CSMD3: variants seen among roughly 807,000 people sequenced by gnomAD.
The protein encoded by CSMD3 is CUB and sushi domain-containing protein 3.
In CSMD3, 177 loss-of-function variants were observed where a neutral mutation model predicts 435.2. The observed-to-expected ratio is 0.41, with a 90% CI of 0.36 to 0.46. The LOEUF is 0.46. Among genes scored for constraint, CSMD3 ranks in the 20% least tolerant of loss-of-function variants. The pLI is 0.34. For missense variants in CSMD3, 4,265 were observed against 4,504.6 expected (o/e 0.95, Z 1.52); for synonymous variants, 1,656 against 1,520.5 (o/e 1.09, Z -2.07).
At chr8:112,382,978 G>A (rs914258549) in intron 37 of CSMD3, among the ~76,000 whole-genome samples, 9 of 152,148 alleles carry the variant, frequency 5.9e-5, no homozygotes, top group Non-Finnish European at 1.0e-4. Flanking sequence ...GAGACAGAGC[G>A]AGACTACATC....
intron 5 of CSMD3, among the ~76,000 whole-genome samples, chr8:113,043,382 T>C (rs1282095126): frequency 2.0e-5 from 3 of 152,178 alleles, no homozygotes; most frequent in Non-Finnish European, 4.4e-5. Context: ...TATTTTATTA[T>C]GCCAGATTTT....
At chr8:112,537,326 C>T (rs565705301) in intron 27 of CSMD3, among the ~76,000 whole-genome samples, 1 of 151,644 alleles carries the variant, frequency 6.6e-6, no homozygotes, top group South Asian at 2.1e-4. Flanking sequence ...TCTGATGCTC[C>T]TCAAAGAACT....
At chr8:112,386,740 G>A (rs577207422) in intron 36 of CSMD3, among the ~76,000 whole-genome samples, 170 of 151,176 alleles carry the variant, frequency 1.1e-3, no homozygotes, top group African/African-American at 3.7e-3. Context: ...CTCGTGATCC[G>A]CCCGCCTCGG....
intron 10 of CSMD3, among the ~76,000 whole-genome samples, chr8:112,874,958 T>C (rs757122077): frequency 6.6e-6 from 1 of 152,148 alleles, no homozygotes; most frequent in Admixed American, 6.6e-5. Flanking sequence ...GAACCTGCCA[T>C]TATGATGCTA....
intron 5 of CSMD3, among the ~76,000 whole-genome samples, chr8:113,061,258 G>C (rs2088600369): frequency 6.6e-6 from 1 of 152,092 alleles, no homozygotes; most frequent in Admixed American, 6.6e-5. Context: ...CCTGAAAATT[G>C]TAGCTACACA....
intron 1 of CSMD3, among the ~76,000 whole-genome samples, chr8:113,388,624 T>C (rs1385161090): frequency 6.6e-6 from 1 of 151,576 alleles, no homozygotes; most frequent in African/African-American, 2.4e-5. Context: ...TGAATATTTG[T>C]ACTATATTTC....
At chr8:112,644,889 CT>C (rs1416325607) in intron 20 of CSMD3, among the ~76,000 whole-genome samples, 5 of 152,160 alleles carry the variant, frequency 3.3e-5, no homozygotes, top group African/African-American at 1.2e-4. Flanking sequence ...AAACAAATCT[CT>C]CATAGCAACA....
chr8:112,422,510 A>T (rs1483308410), intron 32 of CSMD3, among the ~76,000 whole-genome samples: 1 of 152,140 alleles, frequency 6.6e-6, no homozygotes, highest in Non-Finnish European at 1.5e-5. Context: ...GGGGATTTGC[A>T]TTTCTACAAA....
chr8:113,324,617 G>C (rs953384844), intron 1 of CSMD3, among the ~76,000 whole-genome samples: 3 of 152,190 alleles, frequency 2.0e-5, no homozygotes, highest in African/African-American at 7.2e-5. Flanking sequence ...GGTCTTCACG[G>C]AGAACCTCTG....
At chr8:112,323,079 G>A (rs2130884603) in intron 45 of CSMD3, among the ~76,000 whole-genome samples, 1 of 151,946 alleles carries the variant, frequency 6.6e-6, no homozygotes, top group South Asian at 2.1e-4. Flanking sequence ...GGCAAGATCT[G>A]GTTAAAATGC....
At chr8:112,333,569 T>C (rs1405487300) in intron 45 of CSMD3, among the ~76,000 whole-genome samples, 1 of 152,206 alleles carries the variant, frequency 6.6e-6, no homozygotes, top group Non-Finnish European at 1.5e-5. Flanking sequence ...TATATGTTTA[T>C]ATATTCATAT....
intron 5 of CSMD3, among the ~76,000 whole-genome samples, chr8:113,027,812 C>A (rs2086931182): frequency 6.6e-6 from 1 of 151,972 alleles, no homozygotes; most frequent in Non-Finnish European, 1.5e-5. Flanking sequence ...AGGATCTATC[C>A]TTTAGATGAA....
intron 12 of CSMD3, among the ~76,000 whole-genome samples, chr8:112,827,840 C>G (rs2079744055): frequency 6.6e-6 from 1 of 152,164 alleles, no homozygotes; most frequent in South Asian, 2.1e-4. Context: ...CACAAAGAGG[C>G]CCTCTCCATA....
intron 42 of CSMD3, among the ~76,000 whole-genome samples, chr8:112,339,305 AACTTC>A (rs916925995): frequency 6.6e-6 from 1 of 151,922 alleles, no homozygotes; most frequent in Non-Finnish European, 1.5e-5. Context: ...TGATCTTTGT[AACTTC>A]ACTTCAGCTT....
Position 112,237,253 on chromosome 8 carries a change from T to C in CSMD3, c.10564A>G (p.Asn3522Asp). The change falls in exon 67 of 71, where the codon AAT becomes GAT. Residue 3522 changes from asparagine to aspartate, a missense_variant. Around this residue, in one of 3 missense-constraint regions of CSMD3, gnomAD observed 3,255 missense variants for 3,380.2 expected, o/e 0.96. Transcript: ENST00000297405. ...QPMTLTVTSFNASTGRVNATL... is the reference protein window; with the variant it reads ...QPMTLTVTSFDASTGRVNATL... The stretch of plus-strand genomic sequence containing the variant: ...GCGTTAACTCTCCCAGTGGAAGCAT[T>C]GAAACTAGTAACTGTTAAGGTCATG... 6.2e-7 allele frequency: 1 copy of C among 1,613,580 alleles called. No homozygotes were observed. The highest frequency in any genetic ancestry group is 8.5e-7 in the Non-Finnish European group (1 of 1,179,584).
intron 3 of CSMD3, among the ~76,000 whole-genome samples, chr8:113,209,192 CTT>C (rs763653264): frequency 6.6e-6 from 1 of 152,096 alleles, no homozygotes; most frequent in African/African-American, 2.4e-5. Flanking sequence ...TTTATGTACT[CTT>C]TTCATAAAAA....
chr8:112,916,618 A>ATT (rs1231840261), intron 10 of CSMD3, among the ~76,000 whole-genome samples: 1 of 151,946 alleles, frequency 6.6e-6, no homozygotes, highest in African/African-American at 2.4e-5. Flanking sequence ...CTAAGAAGGC[A>ATT]TCAACAACTA....
chr8:112,785,758 T>G (rs2132266522), intron 13 of CSMD3, among the ~76,000 whole-genome samples: 1 of 152,076 alleles, frequency 6.6e-6, no homozygotes, highest in South Asian at 2.1e-4. Context: ...ATGAAAATTA[T>G]AAAACATTTA....
intron 9 of CSMD3, among the ~76,000 whole-genome samples, chr8:112,946,408 ATATAT>A: frequency 6.6e-6 from 1 of 151,786 alleles, no homozygotes; most frequent in Non-Finnish European, 1.5e-5. Flanking sequence ...TTAAAGTGCA[ATATAT>A]TATAATATAG....
Sources: allele counts gnomAD v4.1 joint callset (sites outside exome capture counted in the v4.1 genomes callset), GRCh38; gene constraint gnomAD v4.1.1; regional missense constraint gnomAD v4.1.1; transcripts MANE v1.5; gene names NCBI Gene and HGNC (gene_info 2026-07-23, HGNC 2026-07-21).